Variants in GALNT13 observed in about 807,000 individuals in gnomAD.
GALNT13 encodes the protein UDP-GalNAc:polypeptide N-acetylgalactosaminyltransferase 13.
A neutral mutation model predicts 64.2 loss-of-function variants in GALNT13; 28 were observed. The ratio of observed to expected loss-of-function variants is 0.44; its 90% CI spans 0.32 to 0.60. The LOEUF (loss-of-function observed/expected upper bound fraction) is 0.60. GALNT13 is among the 20% of genes least tolerant of loss of function. The pLI is 0.05. For synonymous variants in GALNT13, 214 were observed against 224.6 expected (o/e 0.95, Z 0.42); for missense variants, 577 against 669.8 (o/e 0.86, Z 1.53).
chr2:154,330,729 G>T (rs1043594913), intron 9 of GALNT13, among the ~76,000 whole-genome samples: 2 of 152,072 alleles, frequency 1.3e-5, no homozygotes, highest in Non-Finnish European at 2.9e-5. Flanking sequence ...AAAATTCATA[G>T]TTCTAAACCC....
chr2:154,090,559 T>A (rs1701754762), intron 3 of GALNT13, among the ~76,000 whole-genome samples: 1 of 152,032 alleles, frequency 6.6e-6, no homozygotes, highest in Admixed American at 6.6e-5. Flanking sequence ...CCTTCAGCAC[T>A]TTTCTCAGTC....
the GALNT13 span, among the ~76,000 whole-genome samples, chr2:153,152,693 A>G: frequency 1.6e-4 from 25 of 152,132 alleles, no homozygotes; most frequent in Non-Finnish European, 3.1e-4. Flanking sequence ...TTTGCTAAGG[A>G]TAATGGCCTC....
chr2:153,719,688 G>C, the GALNT13 span, among the ~76,000 whole-genome samples: 1 of 152,218 alleles, frequency 6.6e-6, no homozygotes, highest in East Asian at 1.9e-4. Flanking sequence ...CCGAGTCAAA[G>C]AAAGGGGTGA....
upstream of GALNT13, among the ~76,000 whole-genome samples, chr2:153,869,644 C>T (rs896106868): frequency 6.6e-6 from 1 of 152,088 alleles, no homozygotes; most frequent in African/African-American, 2.4e-5. Context: ...TGACTTTAAC[C>T]TTGGTCAGTT....
the GALNT13 span, among the ~76,000 whole-genome samples, chr2:153,282,159 A>G: frequency 6.6e-6 from 1 of 151,970 alleles, no homozygotes; most frequent in East Asian, 1.9e-4. Context: ...TTTCTTCTGC[A>G]TGGTTCAGTC....
At chr2:153,364,493 C>T in the GALNT13 span, among the ~76,000 whole-genome samples, 1 of 152,146 alleles carries the variant, frequency 6.6e-6, no homozygotes, top group Middle Eastern at 3.2e-3. Context: ...ATTCCATCAT[C>T]TCAGCCCAAA....
the GALNT13 span, among the ~76,000 whole-genome samples, chr2:153,350,164 G>T: frequency 1.8e-3 from 267 of 151,942 alleles, 1 homozygote; most frequent in African/African-American, 4.4e-3. Context: ...TTATTACCAC[G>T]CATTTCTTTG....
chr2:153,763,033 A>T, the GALNT13 span, among the ~76,000 whole-genome samples: 2 of 151,820 alleles, frequency 1.3e-5, no homozygotes, highest in African/African-American at 4.8e-5. Context: ...CACTTTTATT[A>T]TACCCACATT....
the GALNT13 span, among the ~76,000 whole-genome samples, chr2:153,120,257 C>A: frequency 6.6e-6 from 1 of 152,126 alleles, no homozygotes; most frequent in Non-Finnish European, 1.5e-5. Context: ...CACAAGGACC[C>A]CACCCAACTC....
chr2:154,138,193 T>A (rs1683057555), intron 3 of GALNT13, among the ~76,000 whole-genome samples: 1 of 152,116 alleles, frequency 6.6e-6, no homozygotes. Context: ...TTATTATTCT[T>A]TGTTTAAAGT....
intron 9 of GALNT13, among the ~76,000 whole-genome samples, chr2:154,335,969 C>A (rs2105208801): frequency 6.6e-6 from 1 of 151,960 alleles, no homozygotes; most frequent in East Asian, 1.9e-4. Context: ...TAGGTATTTA[C>A]TTGGTACTTT....
the GALNT13 span, among the ~76,000 whole-genome samples, chr2:153,316,075 C>A: frequency 6.0e-4 from 91 of 150,986 alleles, no homozygotes; most frequent in Non-Finnish European, 5.9e-5. Context: ...ATACAAATGA[C>A]ATATCCCACG....
At chr2:153,295,755 AG>A in the GALNT13 span, among the ~76,000 whole-genome samples, 1 of 152,192 alleles carries the variant, frequency 6.6e-6, no homozygotes, top group African/African-American at 2.4e-5. Flanking sequence ...CAGAATCTTG[AG>A]AAAAATTCCA....
intron 4 of GALNT13, among the ~76,000 whole-genome samples, chr2:154,148,319 C>T (rs1275843459): frequency 1.3e-5 from 2 of 151,964 alleles, no homozygotes; most frequent in South Asian, 2.1e-4. Context: ...TTAATCCAGT[C>T]TATCATTGTT....
chr2:154,238,682 T>C (rs185882032), intron 4 of GALNT13, among the ~76,000 whole-genome samples: 1 of 152,128 alleles, frequency 6.6e-6, no homozygotes, highest in East Asian at 1.9e-4. Flanking sequence ...AGGAGTCTTC[T>C]TTGCTGAATG....
chr2:154,337,906 C>G (rs1485097710), intron 9 of GALNT13, among the ~76,000 whole-genome samples: 1 of 151,966 alleles, frequency 6.6e-6, no homozygotes, highest in Non-Finnish European at 1.5e-5. Context: ...CTTTGGGGAA[C>G]TGGCAAGCTT....
the GALNT13 span, among the ~76,000 whole-genome samples, chr2:153,671,949 CAAAG>C: frequency 6.6e-6 from 1 of 152,058 alleles, no homozygotes; most frequent in East Asian, 1.9e-4. Context: ...TCAAAAGAGA[CAAAG>C]AAGGCCATTA....
the GALNT13 span, among the ~76,000 whole-genome samples, chr2:153,843,154 G>A: frequency 6.6e-6 from 1 of 152,132 alleles, no homozygotes; most frequent in Non-Finnish European, 1.5e-5. Flanking sequence ...CTGAGACTGG[G>A]TAATTTATAA....
At chr2:153,174,944 C>T in the GALNT13 span, among the ~76,000 whole-genome samples, 5 of 152,090 alleles carry the variant, frequency 3.3e-5, no homozygotes, top group African/African-American at 1.2e-4. Flanking sequence ...ACAGCAGCAC[C>T]CTGCTCTCAG....
Sources: gnomAD v4.1 joint callset for allele counts (sites outside exome capture counted in the v4.1 genomes callset) on GRCh38, gnomAD v4.1.1 for gene constraint, MANE v1.5 for transcripts, NCBI Gene and HGNC (gene_info 2026-07-23, HGNC 2026-07-21) for gene names.